RBFOX1: variants seen among roughly 807,000 people sequenced by gnomAD.
The protein encoded by RBFOX1 is RNA binding fox-1 homolog 1, also known as RNA binding protein fox-1 homolog 1.
In RBFOX1, 8 loss-of-function variants were observed where a neutral mutation model predicts 57.7. That is an observed-to-expected ratio of 0.14 (90% CI 0.08 to 0.25). The LOEUF (loss-of-function observed/expected upper bound fraction) is 0.25, where lower values mean the gene tolerates loss of function less well. RBFOX1 is among the 10% of genes least tolerant of loss of function. RBFOX1 has a pLI of 1.00. For missense variants in RBFOX1, 611 were observed against 548.5 expected (o/e 1.11, Z -1.14); for synonymous variants, 326 against 222.4 (o/e 1.47, Z -4.15).
At chr16:7,002,270 T>C (rs1302684630) in intron 3 of RBFOX1, among the ~76,000 whole-genome samples, 2 of 152,178 alleles carry the variant, frequency 1.3e-5, no homozygotes, top group Non-Finnish European at 2.9e-5. Context: ...TCTATCTACT[T>C]TGGAACTTTG....
At chr16:6,656,925 CTCCTCCCCTCTCCTCCCCTT>C (rs1412393603) in intron 3 of RBFOX1, among the ~76,000 whole-genome samples, 4 of 135,072 alleles carry the variant, frequency 3.0e-5, no homozygotes, top group East Asian at 2.4e-4. Context: ...CCCCTCTCCT[CTCCTCCCCTCTCCTCCCCTT>C]TCCTCTCCTC....
chr16:6,977,291 A>G (rs557856432), intron 3 of RBFOX1, among the ~76,000 whole-genome samples: 3 of 151,568 alleles, frequency 2.0e-5, no homozygotes, highest in African/African-American at 7.3e-5. Flanking sequence ...ATAAAGGATT[A>G]ATTTTCTTAA....
chr16:6,864,459 G>A (rs545843637), intron 3 of RBFOX1, among the ~76,000 whole-genome samples: 3 of 151,214 alleles, frequency 2.0e-5, no homozygotes, highest in East Asian at 1.9e-4. Flanking sequence ...CATCATGCCC[G>A]AAAAAGTATA....
chr16:5,659,118 C>A (rs1194578477), intron 3 of RBFOX1, among the ~76,000 whole-genome samples: 2 of 151,890 alleles, frequency 1.3e-5, no homozygotes, highest in African/African-American at 4.8e-5. Flanking sequence ...GTTTACATTC[C>A]CACCATCAGT....
chr16:5,551,754 T>G (rs11644235), intron 2 of RBFOX1, among the ~76,000 whole-genome samples: 57,493 of 151,730 alleles, frequency 0.38, 11,207 homozygotes, highest in Non-Finnish European at 0.42. Flanking sequence ...AAGCCCCACA[T>G]GTATTATGTA....
intron 2 of RBFOX1, among the ~76,000 whole-genome samples, chr16:6,348,186 A>G (rs1438047219): frequency 6.6e-6 from 1 of 152,168 alleles, no homozygotes; most frequent in African/African-American, 2.4e-5. Context: ...GGCTTGTGAT[A>G]AAATGTGGGG....
At chr16:6,931,295 G>GTCTA (rs1161231181) in intron 3 of RBFOX1, among the ~76,000 whole-genome samples, 17,000 of 136,006 alleles carry the variant, frequency 0.12, 1,228 homozygotes, top group Non-Finnish European at 0.16. Flanking sequence ...CTGTCTGTCT[G>GTCTA]TCTATCTATC....
At chr16:6,449,617 G>T (rs1251279323) in intron 2 of RBFOX1, among the ~76,000 whole-genome samples, 1 of 152,146 alleles carries the variant, frequency 6.6e-6, no homozygotes. Flanking sequence ...TGGAAGGAGT[G>T]GTATCAAAGG....
intron 2 of RBFOX1, among the ~76,000 whole-genome samples, chr16:5,534,261 C>T (rs577123695): frequency 2.6e-5 from 4 of 152,228 alleles, no homozygotes; most frequent in African/African-American, 4.8e-5. Context: ...TATTAGAGTT[C>T]TCCAGAGGGA....
chr16:7,370,181 A>C (rs1049209674), intron 4 of RBFOX1, among the ~76,000 whole-genome samples: 3 of 152,158 alleles, frequency 2.0e-5, no homozygotes, highest in African/African-American at 4.8e-5. Flanking sequence ...CCCTTCCCTC[A>C]TTATGACAAC....
At chr16:7,244,260 A>C (rs1255097488) in intron 4 of RBFOX1, among the ~76,000 whole-genome samples, 4 of 151,170 alleles carry the variant, frequency 2.6e-5, no homozygotes, top group East Asian at 3.9e-4. Flanking sequence ...AAAAAAAAAA[A>C]AAAAAAAAAA....
intron 4 of RBFOX1, among the ~76,000 whole-genome samples, chr16:7,462,943 TCTC>T (rs942975541): frequency 1.3e-5 from 2 of 152,198 alleles, no homozygotes; most frequent in Non-Finnish European, 2.9e-5. Context: ...GTTCAGCTCT[TCTC>T]CTGATCTCAA....
At chr16:7,705,081 A>C (rs1407369598) in intron 14 of RBFOX1, among the ~76,000 whole-genome samples, 2 of 151,834 alleles carry the variant, frequency 1.3e-5, no homozygotes, top group African/African-American at 4.8e-5. Context: ...GAGCCAGAGA[A>C]AGAAGCATCT....
chr16:6,775,766 A>T (rs888001572), intron 3 of RBFOX1: 5 of 152,200 alleles, frequency 3.3e-5, no homozygotes, highest in Admixed American at 2.6e-4. Context: ...AGTGAGAGGA[A>T]GGAACAAGCA....
intron 5 of RBFOX1, among the ~76,000 whole-genome samples, chr16:7,565,631 A>C (rs2152717207): frequency 6.6e-6 from 1 of 152,358 alleles, no homozygotes; most frequent in South Asian, 2.1e-4. Context: ...GGTCCAAAGT[A>C]CTTCGCAGTG....
chr16:6,281,474 C>A (rs749020554), intron 1 of RBFOX1, among the ~76,000 whole-genome samples: 48 of 151,898 alleles, frequency 3.2e-4, no homozygotes, highest in Non-Finnish European at 6.8e-4. Context: ...ATGAATGTGT[C>A]ATGGGAGAAA....
intron 2 of RBFOX1, among the ~76,000 whole-genome samples, chr16:6,618,328 G>A (rs977272429): frequency 4.6e-5 from 7 of 152,234 alleles, no homozygotes; most frequent in Admixed American, 1.3e-4. Flanking sequence ...TACTTAAAAC[G>A]CAGTTTCAAG....
At chr16:5,339,480 T>TTTTTTTTTTTTG (rs2064985910) in intron 1 of RBFOX1, among the ~76,000 whole-genome samples, 1 of 111,266 alleles carries the variant, frequency 9.0e-6, no homozygotes, top group Non-Finnish European at 1.8e-5. Context: ...GTTTTTTTTT[T>TTTTTTTTTTTTG]TTTTTTTTTT....
At chr16:7,402,592 C>T (rs1279725696) in intron 4 of RBFOX1, among the ~76,000 whole-genome samples, 2 of 152,126 alleles carry the variant, frequency 1.3e-5, no homozygotes, top group Non-Finnish European at 2.9e-5. Flanking sequence ...CCTTGGTTTC[C>T]AGATCCTTAT....
Sources: gnomAD v4.1 joint callset for allele counts (sites outside exome capture counted in the v4.1 genomes callset) on GRCh38, gnomAD v4.1.1 for gene constraint, MANE v1.5 for transcripts, NCBI Gene and HGNC (gene_info 2026-07-23, HGNC 2026-07-21) for gene names.